Variants in POLRMT observed in about 807,000 individuals in gnomAD.
POLRMT encodes the protein DNA-directed RNA polymerase, mitochondrial.
A neutral mutation model predicts 132.2 loss-of-function variants in POLRMT; 114 were observed. That is an observed-to-expected ratio of 0.86 (90% CI 0.74 to 1.01). The LOEUF is 1.01. Among genes scored for constraint, POLRMT ranks in the 50% least tolerant of loss-of-function variants. The probability of loss-of-function intolerance (pLI) is 0.00; values close to 1 mark genes in which losing one functional copy is unlikely to be tolerated. For synonymous variants in POLRMT, 1,020 were observed against 773.4 expected (o/e 1.32, Z -5.29); for missense variants, 2,003 against 1,729.1 (o/e 1.16, Z -2.81).
rs1353386380 is a variant in POLRMT, at chr19:623,511, C to T, written c.1233G>A (p.Arg411=). The change falls in exon 6 of 21, where the codon AGG becomes AGA. Residue 411 remains arginine, a synonymous_variant. Transcript: ENST00000588649. ...EKQLHMELAS[R]VCVVSVEKPT... ...GCTTCTCCACGGACACCACGCACAC[C>T]CTGCTGGCCAGCTCCATGTGGAGCT... The T allele has an allele frequency of 6.2e-7, 1 of 1,613,432 alleles. No individual in the cohort carries two copies. The highest frequency in any genetic ancestry group is 1.7e-5 in the Admixed American group (1 of 60,030).
At position 623,688 on chromosome 19, in the gene POLRMT, G is replaced by A. The variant is rs141295024; in HGVS notation, c.1141-85C>T. On this transcript the variant is annotated intron_variant, in intron 5 of 20. Coordinates refer to ENST00000588649, the MANE Select transcript of POLRMT (RefSeq NM_005035.4). ...ACCCCGAGACAGCATGGGTGCACGC[G>A]TTTCTGCGTCTCCTGCAAGTTGCTG... 1.4e-5 allele frequency: 20 copies of A among 1,481,034 alleles called. No homozygotes were observed. The African/African-American group carries it at 1.7e-4, about 13-fold the overall frequency. The allele number at this position is 1,481,034 out of a possible 1,614,324, so 91.7% of individuals were successfully genotyped here. A position where few individuals can be genotyped will look rare whatever the true frequency, so the allele number is the denominator to read the frequency against.
chr19:625,327 C>G, intron 3 of POLRMT, 73 bp from the exon 4 acceptor site: 1 of 1,584,262 alleles, frequency 6.3e-7, no homozygotes, highest in Non-Finnish European at 8.6e-7. Flanking sequence ...CCCTGGAGAC[C>G]CCTTCTCTGT....
chr19:633,377 G>T, intron 1 of POLRMT, 48 bp downstream of exon 1: 1 of 1,452,786 alleles, frequency 6.9e-7, no homozygotes, highest in Non-Finnish European at 9.1e-7. Flanking sequence ...GCGGGGAGGA[G>T]CCCACGCCGT....
intron 9 of POLRMT, 107 bp downstream of exon 9, chr19:622,042 C>T (rs1984651850): frequency 2.1e-5 from 25 of 1,216,780 alleles, no homozygotes; most frequent in Non-Finnish European, 2.7e-5. Context: ...CTGGGAGGTA[C>T]TGACGGCTGC....
rs776618622 is a variant in POLRMT, at chr19:629,767, G to A, written c.595C>T (p.Pro199Ser). Residue 199 changes from proline (P) to serine (S), a missense_variant, in exon 3 of 21, where the codon CCT becomes TCT. Physicochemically the swap from Pro to Ser is moderately conservative, Grantham distance 74. Coordinates refer to ENST00000588649, the MANE Select transcript of POLRMT (RefSeq NM_005035.4). ...EQLARLLQEAPGKLSLDVEQA... is the reference protein window; with the variant it reads ...EQLARLLQEASGKLSLDVEQA... ...TCCACATCGAGGCTCAGCTTCCCAGGGGCCTCCTGCAGCAGCCGGGCCAGC... is the reference window on the plus strand; with the variant it reads ...TCCACATCGAGGCTCAGCTTCCCAGAGGCCTCCTGCAGCAGCCGGGCCAGC... 14 of 1,569,624 alleles carry A rather than the reference G, an allele frequency of 8.9e-6. No homozygotes were observed. In the South Asian group the frequency reaches 1.2e-4, roughly 13 times the overall value.
chr19:622,122 C>T (rs1271817084), intron 9 of POLRMT, 27 bp downstream of exon 9: 2 of 1,517,326 alleles, frequency 1.3e-6, no homozygotes, highest in Admixed American at 2.0e-5. Flanking sequence ...GGGATGCCCC[C>T]CAGCTCAGGA....
chr19:617,670 G>A lies in POLRMT; in HGVS notation c.3496-15C>T, dbSNP rs1414811913. ...TCCCGGCACACCTGGGCAGGAGTCA[G>A]AGGATCCCCAGGGGTGATCAGGCAG... On this transcript the variant is annotated splice_polypyrimidine_tract_variant and intron_variant, in intron 18 of 20. Coordinates refer to ENST00000588649, the MANE Select transcript of POLRMT (RefSeq NM_005035.4). 2 of 1,612,492 alleles carry A rather than the reference G, an allele frequency of 1.2e-6. No homozygotes were observed. Among genetic ancestry groups the A allele is most frequent in the East Asian group, 2.2e-5 (1 of 44,866 alleles).
Position 623,523 on chromosome 19 carries a change from C to G in POLRMT, c.1221G>C (p.Glu407Asp). Residue 407 changes from glutamate to aspartate, a missense_variant, in exon 6 of 21, where the codon GAG becomes GAC. Coordinates refer to ENST00000588649, the MANE Select transcript of POLRMT (RefSeq NM_005035.4). ...QCLFEKQLHM[E>D]LASRVCVVSV... ...ACACCACGCACACCCTGCTGGCCAGCTCCATGTGGAGCTGCTTCTCAAAGA... is the reference window on the plus strand; with the variant it reads ...ACACCACGCACACCCTGCTGGCCAGGTCCATGTGGAGCTGCTTCTCAAAGA... 1 of 1,613,570 alleles carries G rather than the reference C, an allele frequency of 6.2e-7. No homozygotes were observed. The highest frequency in any genetic ancestry group is 8.5e-7 in the Non-Finnish European group (1 of 1,180,010).
At chr19:632,480 T>C (rs1985490513) in intron 2 of POLRMT, among the ~76,000 whole-genome samples, 1 of 150,930 alleles carries the variant, frequency 6.6e-6, no homozygotes, top group East Asian at 2.0e-4. Context: ...CCAGGACAGC[T>C]GAGTCAGTTC....
At chr19:622,525 G>T in intron 8 of POLRMT, 57 bp downstream of exon 8, 1 of 1,526,552 alleles carries the variant, frequency 6.6e-7, no homozygotes, top group Non-Finnish European at 8.8e-7. Context: ...CTCCAGGGAG[G>T]GAGAGCGCCC....
Position 620,094 on chromosome 19 carries a change from G to A in POLRMT, c.2764-14C>T, listed in dbSNP as rs530890498. ...GCAAGAGCCGTCCTGAGGAAGGGGC[G>A]GCAAACGGGAGATGGAAGCTAGAGA... On this transcript the variant is annotated splice_polypyrimidine_tract_variant and intron_variant, in intron 11 of 20. Transcript: ENST00000588649. 16 of 1,536,644 alleles carry A rather than the reference G, an allele frequency of 1.0e-5. 1 individual carries two copies. The South Asian group carries it at 1.3e-4, about 13-fold the overall frequency.
intron 10 of POLRMT, 120 bp from the exon 11 acceptor site, chr19:620,607 G>C (rs1313635059): frequency 6.3e-6 from 8 of 1,268,666 alleles, no homozygotes; most frequent in African/African-American, 3.0e-5. Context: ...TAGTGAACAC[G>C]GGACGCATGT....
intron 15 of POLRMT, 30 bp downstream of exon 15, chr19:618,967 C>T (rs375278791): frequency 3.3e-6 from 5 of 1,512,478 alleles, no homozygotes; most frequent in African/African-American, 2.8e-5. Context: ...GATGGTGGCA[C>T]ACTGGGGAGG....
intron 17 of POLRMT, 162 bp downstream of exon 17, chr19:618,326 G>A (rs1984179974): frequency 1.6e-6 from 1 of 613,670 alleles, no homozygotes; most frequent in East Asian, 2.8e-5. Flanking sequence ...CCTACATTCG[G>A]GGCACACAGC....
chr19:633,468 T>C lies in POLRMT; in HGVS notation c.45A>G (p.Arg15=). Residue 15 remains arginine, a synonymous_variant, in exon 1 of 21, where the codon CGA becomes CGG. Coordinates refer to ENST00000588649, the MANE Select transcript of POLRMT (RefSeq NM_005035.4). The part of the protein sequence containing the change: ...CWGRGAAGLK[R]ALRPCGRPGL... ...CCGGGCGGCCGCAAGGCCGTAGGGC[T>C]CGTTTGAGCCCCGCCGCTCCGCGGC... 1 of 1,562,222 alleles carries C rather than the reference T, an allele frequency of 6.4e-7. No homozygotes were observed.
rs1201840892 is a variant in POLRMT, at chr19:618,844, G to A, written c.3268-84C>T. ...TGAGGTGGTGGTACACTGGGGTAGT[G>A]GCACGCTAGGATGGTGGCACACTGG... is the stretch of plus-strand genomic sequence containing the variant. On this transcript the variant is annotated intron_variant, in intron 15 of 20. Transcript: ENST00000588649. 38 of 1,471,854 alleles carry A rather than the reference G, an allele frequency of 2.6e-5. No individual in the cohort carries two copies. In the Admixed American group the frequency reaches 7.3e-4, roughly 28 times the overall value. 91.2% of individuals were successfully genotyped at this position (1,471,854 alleles called of 1,614,324 possible).
chr19:621,658 G>T lies in POLRMT; in HGVS notation c.2040C>A (p.His680Gln). 1 of 1,542,120 alleles carries T rather than the reference G, an allele frequency of 6.5e-7. No individual in the cohort carries two copies. Among genetic ancestry groups the T allele is most frequent in the Non-Finnish European group, 8.7e-7 (1 of 1,147,008 alleles). ...GCGGGCAGGTTTCCAGCAGCTCCTG[G>T]TGCTGCGTGGCGCCTTCCACCGTGC... Reference protein sequence around the residue: ...LMRTVEGATQHQELLETCPPT... With the variant: ...LMRTVEGATQQQELLETCPPT... Residue 680 changes from histidine (H) to glutamine (Q), a missense_variant, in exon 10 of 21, where the codon CAC becomes CAA. His to Gln is a conservative substitution (Grantham distance 24). Coordinates refer to ENST00000588649, the MANE Select transcript of POLRMT (RefSeq NM_005035.4).
At chr19:625,495 G>A in intron 3 of POLRMT, 1 of 482,288 alleles carries the variant, frequency 2.1e-6, no homozygotes, top group South Asian at 3.4e-5. Flanking sequence ...CCTCTGGGAG[G>A]CAGCTTGTTA....
intron 9 of POLRMT, 43 bp downstream of exon 9, chr19:622,106 C>T: frequency 6.7e-7 from 1 of 1,492,024 alleles, no homozygotes; most frequent in Non-Finnish European, 9.0e-7. Context: ...CCCTGGTCCT[C>T]CCAGCGGGAT....
Sources: gnomAD v4.1 joint callset for allele counts (sites outside exome capture counted in the v4.1 genomes callset) on GRCh38, gnomAD v4.1.1 for gene constraint, MANE v1.5 for transcripts, NCBI Gene and HGNC (gene_info 2026-07-23, HGNC 2026-07-21) for gene names.